The following LOC400499 variants were observed in gnomAD, a reference collection of about 807,000 sequenced individuals.
chr16:11,417,208 G>C, the LOC400499 span, among the ~76,000 whole-genome samples: 1 of 152,060 alleles, frequency 6.6e-6, no homozygotes, highest in Non-Finnish European at 1.5e-5. Flanking sequence ...ATTCAAGTCG[G>C]ACGGGCCCTC....
chr16:11,444,132 C>T, the LOC400499 span, among the ~76,000 whole-genome samples: 1 of 152,166 alleles, frequency 6.6e-6, no homozygotes, highest in Non-Finnish European at 1.5e-5. Flanking sequence ...TGAGCCACCA[C>T]ACCTGGCCCA....
the LOC400499 span, chr16:11,447,994 T>C: frequency 6.5e-7 from 1 of 1,535,818 alleles, no homozygotes. Flanking sequence ...CTCCTCCAGC[T>C]CTCCTTCCAA....
At chr16:11,383,468 C>G in the LOC400499 span, among the ~76,000 whole-genome samples, 29 of 152,332 alleles carry the variant, frequency 1.9e-4, no homozygotes, top group East Asian at 5.2e-3. Context: ...GAGGCATGTA[C>G]CTGCCTCGAG....
At chr16:11,457,653 G>C in the LOC400499 span, among the ~76,000 whole-genome samples, 5 of 151,170 alleles carry the variant, frequency 3.3e-5, no homozygotes, top group Non-Finnish European at 7.4e-5. Flanking sequence ...AACACTTCCA[G>C]GTATACATAC....
At chr16:11,422,908 T>A in the LOC400499 span, among the ~76,000 whole-genome samples, 1 of 152,156 alleles carries the variant, frequency 6.6e-6, no homozygotes, top group Non-Finnish European at 1.5e-5. Flanking sequence ...CTTGCAACCC[T>A]TGGGTCCTGA....
At chr16:11,445,994 T>C in the LOC400499 span, among the ~76,000 whole-genome samples, 1 of 150,740 alleles carries the variant, frequency 6.6e-6, no homozygotes, top group African/African-American at 2.4e-5. Flanking sequence ...CCATCTAGTT[T>C]TTATATTTTT....
the LOC400499 span, among the ~76,000 whole-genome samples, chr16:11,487,991 C>G: frequency 6.6e-6 from 1 of 151,984 alleles, no homozygotes; most frequent in Non-Finnish European, 1.5e-5. Flanking sequence ...GTGGTGCGCG[C>G]CTGTAGTCCC....
the LOC400499 span, chr16:11,461,001 G>C: frequency 6.5e-7 from 1 of 1,536,056 alleles, no homozygotes; most frequent in South Asian, 1.2e-5. Context: ...AGTTGGTCCA[G>C]AGCTGGCCCC....
chr16:11,466,937 G>A, the LOC400499 span, among the ~76,000 whole-genome samples: 1 of 142,472 alleles, frequency 7.0e-6, no homozygotes, highest in Non-Finnish European at 1.6e-5. Flanking sequence ...GTGTGTGTGT[G>A]TATGCACGCA....
At chr16:11,456,712 G>A in the LOC400499 span, 1 of 958,400 alleles carries the variant, frequency 1.0e-6, no homozygotes, top group South Asian at 1.6e-5. Context: ...ACAGGCGTGA[G>A]CCACTGTGCC....
the LOC400499 span, among the ~76,000 whole-genome samples, chr16:11,501,632 C>A: frequency 2.0e-5 from 3 of 152,078 alleles, no homozygotes; most frequent in African/African-American, 7.2e-5. Flanking sequence ...AGATTCCCCT[C>A]TGAGATTGGG....
At chr16:11,416,257 T>TA in the LOC400499 span, among the ~76,000 whole-genome samples, 16 of 151,866 alleles carry the variant, frequency 1.1e-4, no homozygotes, top group African/African-American at 3.4e-4. Context: ...GCCCCCAAAA[T>TA]AAAAAAATTT....
the LOC400499 span, among the ~76,000 whole-genome samples, chr16:11,525,425 TCTC>T: frequency 2.0e-5 from 3 of 152,126 alleles, no homozygotes; most frequent in South Asian, 6.2e-4. Flanking sequence ...AGGGTTTTTT[TCTC>T]CTAAATATTT....
the LOC400499 span, among the ~76,000 whole-genome samples, chr16:11,418,579 A>G: frequency 1.8e-4 from 27 of 152,208 alleles, no homozygotes; most frequent in African/African-American, 6.0e-4. Flanking sequence ...TTAGCATATC[A>G]TCAAGAAATA....
chr16:11,488,612 C>T, the LOC400499 span: 1 of 394,984 alleles, frequency 2.5e-6, no homozygotes, highest in African/African-American at 2.1e-5. Context: ...CCCCTTGACA[C>T]AACGTCTGAT....
the LOC400499 span, chr16:11,516,042 G>A: frequency 2.5e-6 from 1 of 399,278 alleles, no homozygotes; most frequent in Non-Finnish European, 4.4e-6. Context: ...TATGTGGTAG[G>A]ACATCGGCCC....
chr16:11,393,795 G>A, the LOC400499 span, among the ~76,000 whole-genome samples: 7 of 152,118 alleles, frequency 4.6e-5, no homozygotes, highest in Non-Finnish European at 7.4e-5. Flanking sequence ...AAAATACTCC[G>A]GGCCAGGATC....
the LOC400499 span, among the ~76,000 whole-genome samples, chr16:11,512,944 C>G: frequency 2.0e-5 from 3 of 152,116 alleles, no homozygotes; most frequent in Admixed American, 6.5e-5. Flanking sequence ...TGGGTTCTCC[C>G]CCAGGGGGTG....
At chr16:11,506,272 G>A in the LOC400499 span, among the ~76,000 whole-genome samples, 4 of 151,846 alleles carry the variant, frequency 2.6e-5, no homozygotes, top group Admixed American at 1.3e-4. Context: ...TGATCTGCCC[G>A]CCTCAGCCTC....
Sources: gnomAD v4.1 joint callset for allele counts (sites outside exome capture counted in the v4.1 genomes callset) on GRCh38, gnomAD v4.1.1 for gene constraint, MANE v1.5 for transcripts.